Variants in CHST9 observed in about 807,000 individuals in gnomAD.
CHST9 encodes the protein GalNAc-4-sulfotransferase 2.
Under a neutral mutation model 44.4 loss-of-function variants are expected in CHST9, and 41 were observed. The ratio of observed to expected loss-of-function variants is 0.92; its 90% CI spans 0.72 to 1.20. The LOEUF is 1.20. CHST9 is among the 50% of genes most tolerant of loss of function. The pLI is 0.00. For missense variants in CHST9, 504 were observed against 516.5 expected (o/e 0.98, Z 0.23); for synonymous variants, 171 against 178.4 (o/e 0.96, Z 0.33).
chr18:27,041,335 C>T (rs905228592), intron 3 of CHST9, among the ~76,000 whole-genome samples: 1 of 152,138 alleles, frequency 6.6e-6, no homozygotes, highest in African/African-American at 2.4e-5. Flanking sequence ...CTAACACCAA[C>T]TATGAAATTA....
At chr18:27,023,494 TC>T (rs2057248759) in intron 4 of CHST9, among the ~76,000 whole-genome samples, 1 of 152,234 alleles carries the variant, frequency 6.6e-6, no homozygotes, top group Admixed American at 6.5e-5. Flanking sequence ...TAAGGGGATA[TC>T]TACTTCATGA....
intron 2 of CHST9, among the ~76,000 whole-genome samples, chr18:27,114,883 T>G (rs1167291782): frequency 6.6e-6 from 1 of 152,234 alleles, no homozygotes; most frequent in Non-Finnish European, 1.5e-5. Flanking sequence ...GATTTGGCTG[T>G]GTCCCCACCC....
chr18:26,990,914 C>T (rs1460395103), intron 4 of CHST9, among the ~76,000 whole-genome samples: 1 of 152,136 alleles, frequency 6.6e-6, no homozygotes, highest in Non-Finnish European at 1.5e-5. Flanking sequence ...CTTCAACATG[C>T]TTGCTGCCTC....
chr18:27,100,331 G>A (rs1264176130), intron 2 of CHST9, among the ~76,000 whole-genome samples: 1 of 152,066 alleles, frequency 6.6e-6, no homozygotes, highest in African/African-American at 2.4e-5. Context: ...TGGGTGATGG[G>A]ATCATTTATA....
intron 4 of CHST9, among the ~76,000 whole-genome samples, chr18:26,966,742 AG>A (rs1309058743): frequency 6.6e-6 from 1 of 152,202 alleles, no homozygotes; most frequent in African/African-American, 2.4e-5. Flanking sequence ...GAAGATCCCA[AG>A]TTGTTATCAA....
intron 1 of CHST9, among the ~76,000 whole-genome samples, chr18:27,150,210 C>T (rs778011748): frequency 8.6e-5 from 13 of 151,776 alleles, no homozygotes; most frequent in Admixed American, 3.9e-4. Context: ...TTTTTCAGAG[C>T]TAAGTTTTCC....
intron 4 of CHST9, among the ~76,000 whole-genome samples, chr18:26,953,439 A>G (rs1386914433): frequency 1.3e-5 from 2 of 152,118 alleles, no homozygotes; most frequent in African/African-American, 4.8e-5. Flanking sequence ...GAGGTGGGTT[A>G]TAAAGGAACA....
intron 4 of CHST9, among the ~76,000 whole-genome samples, chr18:27,010,282 A>C (rs1337223337): frequency 6.6e-6 from 1 of 152,018 alleles, no homozygotes; most frequent in Non-Finnish European, 1.5e-5. Flanking sequence ...TTTTTTTCTC[A>C]CTTCGACTTC....
At chr18:27,110,948 T>C (rs975097996) in intron 2 of CHST9, among the ~76,000 whole-genome samples, 1 of 152,230 alleles carries the variant, frequency 6.6e-6, no homozygotes, top group Non-Finnish European at 1.5e-5. Flanking sequence ...AATCTGTGCT[T>C]TAACCCTCCA....
chr18:26,967,462 A>G (rs2056481710), intron 4 of CHST9, among the ~76,000 whole-genome samples: 1 of 152,102 alleles, frequency 6.6e-6, no homozygotes, highest in South Asian at 2.1e-4. Flanking sequence ...GTCCCTATAG[A>G]TCTACCTCAT....
intron 2 of CHST9, among the ~76,000 whole-genome samples, chr18:27,059,155 T>A (rs1383462137): frequency 3.9e-5 from 6 of 152,202 alleles, no homozygotes; most frequent in Non-Finnish European, 8.8e-5. Context: ...TTTTGTTTTA[T>A]TAGAGTTTTA....
At chr18:27,151,435 G>A (rs1205428026) in intron 1 of CHST9, among the ~76,000 whole-genome samples, 1 of 152,116 alleles carries the variant, frequency 6.6e-6, no homozygotes, top group African/African-American at 2.4e-5. Context: ...TGGTGTATGT[G>A]GCAAGCAGAA....
intron 4 of CHST9, among the ~76,000 whole-genome samples, chr18:26,963,771 C>G (rs1379676956): frequency 6.6e-6 from 1 of 152,046 alleles, no homozygotes; most frequent in Non-Finnish European, 1.5e-5. Context: ...CCTTAGCATC[C>G]GTAAACCTTG....
At chr18:26,973,020 C>A (rs1454167406) in intron 4 of CHST9, among the ~76,000 whole-genome samples, 2 of 152,160 alleles carry the variant, frequency 1.3e-5, no homozygotes, top group Non-Finnish European at 2.9e-5. Flanking sequence ...ACAAATTCTT[C>A]CAGCCTCGCG....
intron 2 of CHST9, among the ~76,000 whole-genome samples, chr18:27,068,590 G>A (rs1312294722): frequency 1.3e-5 from 2 of 152,280 alleles, no homozygotes; most frequent in East Asian, 3.9e-4. Context: ...TGATATCCAG[G>A]TATTTCATCA....
intron 4 of CHST9, among the ~76,000 whole-genome samples, chr18:26,987,510 A>T (rs1171343530): frequency 6.6e-6 from 1 of 152,242 alleles, no homozygotes; most frequent in African/African-American, 2.4e-5. Context: ...CAATTGACTA[A>T]GCAAAAATAA....
chr18:26,995,535 G>A (rs1421744599), intron 4 of CHST9, among the ~76,000 whole-genome samples: 3 of 151,864 alleles, frequency 2.0e-5, no homozygotes, highest in African/African-American at 4.8e-5. Context: ...CACAGAAACC[G>A]TGGAATAATA....
intron 1 of CHST9, among the ~76,000 whole-genome samples, chr18:27,159,547 C>T (rs1405121533): frequency 6.6e-6 from 1 of 152,168 alleles, no homozygotes; most frequent in African/African-American, 2.4e-5. Flanking sequence ...TAGCGTGATG[C>T]CTCCAGCTTT....
intron 4 of CHST9, among the ~76,000 whole-genome samples, chr18:27,023,283 A>C (rs1796688251): frequency 6.6e-6 from 1 of 152,194 alleles, no homozygotes; most frequent in Non-Finnish European, 1.5e-5. Context: ...TATATTTATA[A>C]ATTTTTAAGA....
Sources: allele counts gnomAD v4.1 joint callset (sites outside exome capture counted in the v4.1 genomes callset), GRCh38; gene constraint gnomAD v4.1.1; transcripts MANE v1.5; gene names NCBI Gene and HGNC (gene_info 2026-07-23, HGNC 2026-07-21).